TMEM232: variants seen among roughly 807,000 people sequenced by gnomAD.
TMEM232 encodes the protein transmembrane protein 232.
In TMEM232, 80 loss-of-function variants were observed where a neutral mutation model predicts 78.8. The observed-to-expected ratio is 1.01, with a 90% CI of 0.85 to 1.22. The LOEUF (loss-of-function observed/expected upper bound fraction) is 1.22, where lower values mean the gene tolerates loss of function less well. TMEM232 is among the 50% of genes most tolerant of loss of function. The probability of loss-of-function intolerance (pLI) is 0.00; values close to 1 mark genes in which losing one functional copy is unlikely to be tolerated. For missense variants in TMEM232, 881 were observed against 742.2 expected, an observed-to-expected ratio of 1.19 and a Z score of -2.17; for synonymous variants, 297 against 254.3, an observed-to-expected ratio of 1.17 and a Z score of -1.60.
chr5:110,398,220 C>T (rs745310714), intron 2 of TMEM232, among the ~76,000 whole-genome samples: 3 of 151,922 alleles, frequency 2.0e-5, no homozygotes, highest in East Asian at 1.9e-4. Flanking sequence ...CTGTGGAGAA[C>T]GAAAAATGGG....
chr5:110,453,286 A>G (rs1015813275), intron 12 of TMEM232, among the ~76,000 whole-genome samples: 1 of 152,024 alleles, frequency 6.6e-6, no homozygotes, highest in African/African-American at 2.4e-5. Flanking sequence ...TTTCTACCGC[A>G]TACTTTTTTA....
At position 110,587,683 on chromosome 5, in the gene TMEM232, ATATATATATGTGTGTGTGTGTGTG is replaced by A. The variant is rs1430075661; in HGVS notation, c.1276+17402_1276+17425del. Among the ~76,000 whole-genome samples the A allele has an allele frequency of 3.4e-3, 315 of 92,010 alleles. 4 individuals are homozygous for A. Among genetic ancestry groups the A allele is most frequent in the African/African-American group, 0.016 (291 of 17,880 alleles). The allele number at this position is 92,010 out of a possible 152,430, so 60.4% of individuals were successfully genotyped here. A position where few individuals can be genotyped will look rare whatever the true frequency, so the allele number is the denominator to read the frequency against. ...TGTATGTATATATATATATATATAT[ATATATATATGTGTGTGTGTGTGTG>A]TGTGTGTGTGTGTGTGTGTGTGTGT... is the stretch of plus-strand genomic sequence containing the variant. On this transcript the variant is annotated intron_variant, in intron 10 of 13. Coordinates refer to ENST00000455884, the MANE Select transcript of TMEM232 (RefSeq NM_001039763.4).
intron 2 of TMEM232, among the ~76,000 whole-genome samples, chr5:110,400,731 G>T (rs1182564683): frequency 6.6e-6 from 1 of 151,926 alleles, no homozygotes; most frequent in African/African-American, 2.4e-5. Flanking sequence ...GCATTTATGG[G>T]AACAATGATT....
chr5:110,642,274 T>A lies in TMEM232; in HGVS notation c.223A>T (p.Ile75Phe), dbSNP rs1377282719. 6.5e-7 allele frequency: 1 copy of A among 1,536,430 alleles called. No individual in the cohort carries two copies. The highest frequency in any genetic ancestry group is 1.4e-5 in the African/African-American group (1 of 72,152). ...TATGCCATTACCTTACATCTGAGAATGATTTTTCTAGCTAGTTCCAACAAT... is the reference window on the plus strand; with the variant it reads ...TATGCCATTACCTTACATCTGAGAAAGATTTTTCTAGCTAGTTCCAACAAT... ...EELLELARKI[I>F]LRCKRKLGLK... Residue 75 changes from isoleucine (I) to phenylalanine (F), a missense_variant, in exon 3 of 14, where the codon ATT (isoleucine) becomes TTT (phenylalanine). Physicochemically the swap from Ile to Phe is conservative, Grantham distance 21. Coordinates refer to ENST00000455884, the MANE Select transcript of TMEM232 (RefSeq NM_001039763.4).
intron 12 of TMEM232, among the ~76,000 whole-genome samples, chr5:110,468,395 CTG>C (rs1015203236): frequency 1.3e-5 from 2 of 151,846 alleles, no homozygotes; most frequent in African/African-American, 4.8e-5. Flanking sequence ...CTATTTTAAA[CTG>C]AGAGTATAGA....
At chr5:110,389,560 GTTGT>G (rs1176375607) in intron 4 of TMEM232, among the ~76,000 whole-genome samples, 4 of 152,192 alleles carry the variant, frequency 2.6e-5, no homozygotes, top group South Asian at 2.1e-4. Flanking sequence ...TCAAAGTAAA[GTTGT>G]TTGTTCTAAC....
chr5:110,669,849 T>C (rs1033410748), intron 1 of TMEM232, among the ~76,000 whole-genome samples: 6 of 152,106 alleles, frequency 3.9e-5, no homozygotes, highest in Non-Finnish European at 7.3e-5. Flanking sequence ...ATAAACATAA[T>C]CCAGCATATA....
At chr5:110,614,240 C>T (rs1351216280) in intron 8 of TMEM232, among the ~76,000 whole-genome samples, 3 of 152,040 alleles carry the variant, frequency 2.0e-5, no homozygotes, top group Non-Finnish European at 4.4e-5. Flanking sequence ...AGTCAGGATT[C>T]AGTGACAGGC....
intron 5 of TMEM232, among the ~76,000 whole-genome samples, chr5:110,629,839 G>A (rs1464291594): frequency 2.0e-5 from 3 of 152,100 alleles, no homozygotes; most frequent in Non-Finnish European, 2.9e-5. Context: ...ACTTCAGTAA[G>A]CAGAAGTCAA....
chr5:110,587,984 A>G (rs773425164), intron 10 of TMEM232, among the ~76,000 whole-genome samples: 1 of 151,788 alleles, frequency 6.6e-6, no homozygotes, highest in Non-Finnish European at 1.5e-5. Context: ...AATATTTTCC[A>G]TGTATAAAAA....
intron 5 of TMEM232, among the ~76,000 whole-genome samples, chr5:110,636,011 CG>C (rs1185635509): frequency 6.6e-6 from 1 of 151,876 alleles, no homozygotes; most frequent in Non-Finnish European, 1.5e-5. Context: ...ATGGAATTAA[CG>C]TAAGTATCCA....
intron 2 of TMEM232, among the ~76,000 whole-genome samples, chr5:110,405,531 A>G (rs975968673): frequency 2.0e-5 from 3 of 151,924 alleles, no homozygotes; most frequent in Admixed American, 2.0e-4. Flanking sequence ...TTTATAGGAA[A>G]AAATGGATAA....
At chr5:110,499,927 A>C (rs1404513048) in intron 12 of TMEM232, among the ~76,000 whole-genome samples, 1 of 152,206 alleles carries the variant, frequency 6.6e-6, no homozygotes, top group African/African-American at 2.4e-5. Flanking sequence ...ACAAAACTGC[A>C]GAATGCATAG....
intron 1 of TMEM232, among the ~76,000 whole-genome samples, chr5:110,692,916 C>T (rs1483681380): frequency 1.3e-5 from 2 of 152,204 alleles, no homozygotes; most frequent in African/African-American, 2.4e-5. Flanking sequence ...GTAACCTCTG[C>T]AGACTTAAAT....
chr5:110,730,351 T>C (rs1798559569), upstream of TMEM232, among the ~76,000 whole-genome samples: 2 of 152,266 alleles, frequency 1.3e-5, no homozygotes. Context: ...TTAGAATTAA[T>C]ATTGATTTTG....
intron 1 of TMEM232, among the ~76,000 whole-genome samples, chr5:110,670,033 T>C (rs1165019237): frequency 1.3e-5 from 2 of 152,166 alleles, no homozygotes; most frequent in Non-Finnish European, 1.5e-5. Context: ...TCATACTGAA[T>C]GGGCAAAAAC....
At chr5:110,461,255 TA>T (rs112954288) in intron 12 of TMEM232, among the ~76,000 whole-genome samples, 34 of 148,920 alleles carry the variant, frequency 2.3e-4, no homozygotes, top group Non-Finnish European at 4.0e-4. Context: ...CATGAATGAT[TA>T]AAAAAAAAAG....
chr5:110,433,327 T>C (rs1212040376), intron 12 of TMEM232, among the ~76,000 whole-genome samples: 2 of 151,748 alleles, frequency 1.3e-5, no homozygotes, highest in Non-Finnish European at 3.0e-5. Flanking sequence ...CAAGAAGAAC[T>C]CTCAAAGCCA....
intron 2 of TMEM232, among the ~76,000 whole-genome samples, chr5:110,654,586 C>T (rs188364634): frequency 0.029 from 4,381 of 152,228 alleles, 168 homozygotes; most frequent in African/African-American, 0.089. Context: ...TAGCGTGATG[C>T]CTCCAGCTTT....
Sources: allele counts gnomAD v4.1 joint callset (sites outside exome capture counted in the v4.1 genomes callset), GRCh38; gene constraint gnomAD v4.1.1; transcripts MANE v1.5; gene names NCBI Gene and HGNC (gene_info 2026-07-23, HGNC 2026-07-21).